Variants in DAB2IP observed in about 807,000 individuals in gnomAD.
DAB2IP encodes the protein DAB2 interacting protein.
DAB2IP carries 28 observed loss-of-function variants against 107.2 expected under a neutral mutation model. The observed-to-expected ratio is 0.26, with a 90% CI of 0.19 to 0.36. The LOEUF (loss-of-function observed/expected upper bound fraction) is 0.36, where lower values mean the gene tolerates loss of function less well. DAB2IP is among the 10% of genes least tolerant of loss of function. The probability of loss-of-function intolerance (pLI) is 1.00; values close to 1 mark genes in which losing one functional copy is unlikely to be tolerated. For synonymous variants in DAB2IP, 755 were observed against 706.4 expected (o/e 1.07, Z -1.09); for missense variants, 1,400 against 1,644.7 (o/e 0.85, Z 2.57).
At chr9:121,567,324 GCAGT>G in intron 1 of DAB2IP, 1 of 1,570,446 alleles carries the variant, frequency 6.4e-7, no homozygotes. Flanking sequence ...AAGCAGGGAG[GCAGT>G]CAGGCATCTG....
At chr9:121,612,252 T>C (rs1473028844) in intron 1 of DAB2IP, among the ~76,000 whole-genome samples, 2 of 151,674 alleles carry the variant, frequency 1.3e-5, no homozygotes, top group East Asian at 3.9e-4. Context: ...CGGGAGGAGG[T>C]TGAGGCTGCA....
chr9:121,757,616 T>C (rs1401159219), intron 4 of DAB2IP, among the ~76,000 whole-genome samples: 1 of 151,976 alleles, frequency 6.6e-6, no homozygotes, highest in South Asian at 2.1e-4. Flanking sequence ...GACCTGAGGT[T>C]TGAATGCAGA....
At chr9:121,768,606 C>T in exon 10 of DAB2IP, 2 of 1,614,030 alleles carry the variant, frequency 1.2e-6, no homozygotes, top group Non-Finnish European at 1.7e-6. Flanking sequence ...ACTCACTGCT[C>T]TGGGAGGCCG....
Position 121,774,419 on chromosome 9 carries a change from C to G in DAB2IP, c.3120+7C>G. 3.1e-6 allele frequency: 5 copies of G among 1,606,940 alleles called. No individual in the cohort carries two copies. The highest frequency in any genetic ancestry group is 4.2e-6 in the Non-Finnish European group (5 of 1,177,588). ...GCTCAGCCAAGCAGAAAAGGTAAAA[C>G]TGGACCCTGGCGGCTCGGGACAGGG... On this transcript the variant is annotated splice_region_variant and intron_variant, in intron 13 of 15. Coordinates refer to ENST00000408936, the Ensembl canonical transcript of DAB2IP.
chr9:121,666,814 A>G (rs1432550379), intron 1 of DAB2IP, among the ~76,000 whole-genome samples: 2 of 151,598 alleles, frequency 1.3e-5, no homozygotes, highest in African/African-American at 4.9e-5. Flanking sequence ...CAATTTATCA[A>G]TGCATTATTT....
At chr9:121,744,880 C>A (rs775981771) in intron 3 of DAB2IP, among the ~76,000 whole-genome samples, 12 of 152,110 alleles carry the variant, frequency 7.9e-5, no homozygotes, top group Non-Finnish European at 1.3e-4. Context: ...CAGGCGTAGA[C>A]GGATAGGCTG....
chr9:121,760,368 C>T lies in DAB2IP; in HGVS notation c.1099C>T (p.Leu367Phe), dbSNP rs1257960861. The T allele has an allele frequency of 6.2e-7, 1 of 1,611,986 alleles. No homozygotes were observed. The highest frequency in any genetic ancestry group is 1.1e-5 in the South Asian group (1 of 91,078). ...GCTGTGTGCAGCCCTCGAGCCCATCCTCAGTGCCAAGACCAAGGAGGAGAT... is the reference window on the plus strand; with the variant it reads ...GCTGTGTGCAGCCCTCGAGCCCATCTTCAGTGCCAAGACCAAGGAGGAGAT... Residue 367 changes from leucine to phenylalanine, a missense_variant, in exon 6 of 16, where the codon CTC (leucine) becomes TTC (phenylalanine). By Grantham distance (22) the Leu-to-Phe change is conservative. Coordinates refer to ENST00000408936, the Ensembl canonical transcript of DAB2IP. This position sits in a 1 kb window ranked among gnomAD's most constrained non-coding sequence, Gnocchi z 5.9.
chr9:121,676,255 T>TG (rs1352978847), intron 1 of DAB2IP, among the ~76,000 whole-genome samples: 2 of 152,190 alleles, frequency 1.3e-5, no homozygotes, highest in Non-Finnish European at 2.9e-5. Flanking sequence ...GTGGAGGGAA[T>TG]GGCCTGGAAA....
chr9:121,701,152 G>T lies in DAB2IP; in HGVS notation c.362+1694G>T, dbSNP rs555006214. On this transcript the variant is annotated intron_variant, in intron 3 of 15. Transcript: ENST00000408936. This position sits in a 1 kb window ranked among gnomAD's most constrained non-coding sequence, Gnocchi z 4.7. The stretch of plus-strand genomic sequence containing the variant: ...TTTGTGTGCATGTGGTGGTTGTCCG[G>T]GGAGCAGGAGAGACAACAGGCAGTC... Among the ~76,000 whole-genome samples, 2 of 152,230 alleles carry T rather than the reference G, an allele frequency of 1.3e-5. No individual in the cohort carries two copies. The highest frequency in any genetic ancestry group is 2.4e-5 in the African/African-American group (1 of 41,464).
At position 121,772,709 on chromosome 9, in the gene DAB2IP, G is replaced by C. The variant is rs767607411; in HGVS notation, c.2181G>C (p.Ser727=). Residue 727 remains serine (S), a synonymous_variant, in exon 12 of 16, where the codon TCG becomes TCC. Transcript: ENST00000408936. The surrounding 1 kb of genome is among the most constrained non-coding windows in gnomAD (Gnocchi z 4.7). Reference sequence around the variant, plus strand: ...TCCAGCCCTCACCTGCCCGCAGCTCGAGTTACTCGGAAGCCAACGAGCCTG... The same window carrying C: ...TCCAGCCCTCACCTGCCCGCAGCTCCAGTTACTCGGAAGCCAACGAGCCTG... The C allele has an allele frequency of 3.1e-6, 5 of 1,613,948 alleles. No individual in the cohort carries two copies. The highest frequency in any genetic ancestry group is 1.1e-5 in the South Asian group (1 of 91,072).
At chr9:121,631,584 G>A (rs754388039) in intron 1 of DAB2IP, among the ~76,000 whole-genome samples, 3 of 152,070 alleles carry the variant, frequency 2.0e-5, no homozygotes, top group Non-Finnish European at 4.4e-5. Context: ...CTGGGAGGCC[G>A]AGGCTGGCGG....
chr9:121,653,818 CCACAT>C (rs1832863089), intron 1 of DAB2IP, among the ~76,000 whole-genome samples: 1 of 152,202 alleles, frequency 6.6e-6, no homozygotes, highest in African/African-American at 2.4e-5. Context: ...CTCCCAGACC[CCACAT>C]ACACAGGATC....
intron 3 of DAB2IP, among the ~76,000 whole-genome samples, chr9:121,741,725 A>G (rs1315939001): frequency 6.6e-6 from 1 of 151,620 alleles, no homozygotes; most frequent in Admixed American, 6.6e-5. Flanking sequence ...TCACTACCCA[A>G]GAGGCTAGTT....
chr9:121,654,560 A>T (rs1395363745), intron 1 of DAB2IP, among the ~76,000 whole-genome samples: 2 of 152,092 alleles, frequency 1.3e-5, no homozygotes, highest in Non-Finnish European at 2.9e-5. Context: ...CCTTGGTGGG[A>T]GGCAGCTAGG....
chr9:121,655,448 G>A (rs1396817260), intron 1 of DAB2IP, among the ~76,000 whole-genome samples: 1 of 152,204 alleles, frequency 6.6e-6, no homozygotes, highest in East Asian at 1.9e-4. Context: ...ACTATGTGCT[G>A]GGCTTCAGCT....
exon 1 of DAB2IP, chr9:121,567,133 G>A: frequency 2.5e-6 from 4 of 1,610,810 alleles, no homozygotes; most frequent in Non-Finnish European, 3.4e-6. Context: ...AGACGCTCAT[G>A]GAGACAGCCT....
intron 3 of DAB2IP, among the ~76,000 whole-genome samples, chr9:121,708,794 G>T (rs1190525388): frequency 6.6e-6 from 1 of 152,238 alleles, no homozygotes; most frequent in Non-Finnish European, 1.5e-5. Flanking sequence ...TTTAGGAGTG[G>T]ATCTTGTACC....
At position 121,699,202 on chromosome 9, in the gene DAB2IP, C is replaced by T. The variant is rs1373297289; in HGVS notation, c.229-123C>T. The T allele has an allele frequency of 4.1e-6, 4 of 977,502 alleles. No homozygotes were observed. The highest frequency in any genetic ancestry group is 1.8e-5 in the African/African-American group (1 of 56,354). 60.6% of individuals were successfully genotyped at this position (977,502 alleles called of 1,614,324 possible). A position where few individuals can be genotyped will look rare whatever the true frequency, so the allele number is the denominator to read the frequency against. On this transcript the variant is annotated intron_variant, in intron 2 of 15. Coordinates refer to ENST00000408936, the Ensembl canonical transcript of DAB2IP. The surrounding 1 kb of genome is among the most constrained non-coding windows in gnomAD (Gnocchi z 6.2). Reference sequence around the variant, plus strand: ...GGCCGCGAGCTGCTGGGGCCGAGCCCGAGCCCGGCCCGCCCTCGGCCGCGC... The same window carrying T: ...GGCCGCGAGCTGCTGGGGCCGAGCCTGAGCCCGGCCCGCCCTCGGCCGCGC...
At chr9:121,680,235 T>C (rs1828514537) in intron 2 of DAB2IP, among the ~76,000 whole-genome samples, 1 of 152,186 alleles carries the variant, frequency 6.6e-6, no homozygotes, top group South Asian at 2.1e-4. Flanking sequence ...GCCAAAGGGA[T>C]GGGGCTTTCC....
Sources: allele counts gnomAD v4.1 joint callset (sites outside exome capture counted in the v4.1 genomes callset), GRCh38; gene constraint gnomAD v4.1.1; non-coding constraint Gnocchi (gnomAD v3.1); transcripts MANE v1.5; gene names NCBI Gene and HGNC (gene_info 2026-07-23, HGNC 2026-07-21).